CES1: variants seen among roughly 807,000 people sequenced by gnomAD.
CES1 encodes carboxylesterase 1.
CES1 carries 50 observed loss-of-function variants against 53.0 expected under a neutral mutation model. That is an observed-to-expected ratio of 0.94 (90% CI 0.75 to 1.19). The LOEUF (loss-of-function observed/expected upper bound fraction) is 1.19. Ranked by LOEUF, CES1 falls within the 50% of genes most tolerant of loss-of-function variation. The probability of loss-of-function intolerance (pLI) is 0.00; values close to 1 mark genes in which losing one functional copy is unlikely to be tolerated. For synonymous variants in CES1, 202 were observed against 210.1 expected (o/e 0.96, Z 0.33); for missense variants, 534 against 538.0 (o/e 0.99, Z 0.07).
intron 7 of CES1, among the ~76,000 whole-genome samples, chr16:55,818,939 T>C (rs1159375071): frequency 6.6e-6 from 1 of 152,178 alleles, no homozygotes; most frequent in Non-Finnish European, 1.5e-5. Context: ...GGATTGAAAA[T>C]AGATAAATAC....
chr16:55,831,914 C>G (rs531640100), intron 1 of CES1, among the ~76,000 whole-genome samples: 1 of 151,842 alleles, frequency 6.6e-6, no homozygotes, highest in Non-Finnish European at 1.5e-5. Flanking sequence ...CGAGGCCCCT[C>G]GCTGCACCCC....
chr16:55,832,114 A>G (rs556900624), intron 1 of CES1, among the ~76,000 whole-genome samples: 2 of 152,258 alleles, frequency 1.3e-5, no homozygotes, highest in Non-Finnish European at 2.9e-5. Context: ...GTACAAAACA[A>G]TTAGGAACAG....
intron 2 of CES1, among the ~76,000 whole-genome samples, chr16:55,827,136 C>A (rs1321184734): frequency 6.6e-6 from 1 of 152,030 alleles, no homozygotes; most frequent in African/African-American, 2.4e-5. Context: ...ATCACCGCCC[C>A]CACTAGGTAC....
chr16:55,817,284 C>T (rs538422827), intron 7 of CES1, among the ~76,000 whole-genome samples: 1 of 152,238 alleles, frequency 6.6e-6, no homozygotes, highest in East Asian at 1.9e-4. Context: ...AGAGTGAAGC[C>T]AACACAGAGA....
chr16:55,821,541 T>A lies in CES1; in HGVS notation c.540-20A>T. 2 of 1,613,938 alleles carry A rather than the reference T, an allele frequency of 1.2e-6. No individual in the cohort carries two copies. The highest frequency in any genetic ancestry group is 2.2e-5 in the South Asian group (2 of 91,076). ...CCTGTGCTGTGAGGAAGAGAACAGG[T>A]TGAGGGTGGGGAGCAGAGATGTCAT... On this transcript the variant is annotated intron_variant, in intron 4 of 13. Transcript: ENST00000360526.
At chr16:55,823,147 C>T (rs2032271132) in intron 4 of CES1, among the ~76,000 whole-genome samples, 2 of 151,796 alleles carry the variant, frequency 1.3e-5, no homozygotes, top group Admixed American at 6.6e-5. Context: ...TGTGACTCTG[C>T]CCCTTCCCTC....
rs151099173 is a variant in CES1, at chr16:55,830,947, G to C, written c.53-1973C>G. ...AATGGAAGGGAAAGAAGACCAAAGA[G>C]CTGGCTTGTAATGCTGGATCCCTGT... On this transcript the variant is annotated intron_variant, in intron 1 of 13. Transcript: ENST00000360526. Among the ~76,000 whole-genome samples the C allele has an allele frequency of 7.0e-4, 106 of 152,278 alleles. 1 individual carries two copies. Among genetic ancestry groups the C allele is most frequent in the African/African-American group, 2.2e-3 (90 of 41,542 alleles).
chr16:55,821,502 G>A lies in CES1; in HGVS notation c.559C>T (p.Arg187Trp), dbSNP rs200227274. The A allele has an allele frequency of 2.2e-5, 36 of 1,614,174 alleles. No individual in the cohort carries two copies. Among genetic ancestry groups the A allele is most frequent in the African/African-American group, 1.1e-4 (8 of 75,032 alleles). Reference protein sequence around the residue: ...GFFSTGDEHSRGNWGHLDQVA... With the variant: ...GFFSTGDEHSWGNWGHLDQVA... Reference sequence around the variant, plus strand: ...TGGTCCAGGTGACCCCAGTTCCCCCGGCTGTGTTCATCCCCTGTGCTGTGA... The same window carrying A: ...TGGTCCAGGTGACCCCAGTTCCCCCAGCTGTGTTCATCCCCTGTGCTGTGA... Residue 187 changes from arginine to tryptophan, a missense_variant, in exon 5 of 14, where the codon CGG becomes TGG. Arg to Trp is a moderately radical substitution (Grantham distance 101, BLOSUM62 -3). Around this residue, in one of 5 missense-constraint regions of CES1, gnomAD observed 85 missense variants for 81.9 expected, o/e 1.04. Transcript: ENST00000360526.
chr16:55,808,307 C>T (rs1179150380), intron 11 of CES1, among the ~76,000 whole-genome samples: 1 of 150,270 alleles, frequency 6.7e-6, no homozygotes, highest in African/African-American at 2.5e-5. Flanking sequence ...TTATACAATT[C>T]TTACAATCAC....
At position 55,829,059 on chromosome 16, in the gene CES1, G is replaced by A. The variant is rs1326935128; in HGVS notation, c.53-85C>T. On this transcript the variant is annotated intron_variant, in intron 1 of 13. Coordinates refer to ENST00000360526, the MANE Select transcript of CES1 (RefSeq NM_001025195.2). Reference sequence around the variant, plus strand: ...GTGGAGTTTGCCGCTTTCTAAGTGAGTGACCTTAAATAAGTCACCTAAACC... The same window carrying A: ...GTGGAGTTTGCCGCTTTCTAAGTGAATGACCTTAAATAAGTCACCTAAACC... 6.2e-5 allele frequency: 89 copies of A among 1,445,970 alleles called. No individual in the cohort carries two copies. The Admixed American group carries it at 1.7e-3, about 28-fold the overall frequency. 89.6% of individuals were successfully genotyped at this position (1,445,970 alleles called of 1,614,324 possible).
chr16:55,818,357 G>A (rs1172781307), intron 7 of CES1, among the ~76,000 whole-genome samples: 2 of 152,242 alleles, frequency 1.3e-5, no homozygotes, highest in African/African-American at 2.4e-5. Flanking sequence ...ACCCGCAGGT[G>A]TCGGTTCTGG....
intron 8 of CES1, among the ~76,000 whole-genome samples, chr16:55,815,292 T>C (rs1189105387): frequency 6.6e-6 from 1 of 152,152 alleles, no homozygotes; most frequent in African/African-American, 2.4e-5. Flanking sequence ...GGAAGGGGAT[T>C]TGTCTCATAA....
intron 4 of CES1, among the ~76,000 whole-genome samples, chr16:55,822,878 C>A (rs1487524418): frequency 2.4e-4 from 36 of 151,978 alleles, no homozygotes; most frequent in African/African-American, 8.7e-4. Context: ...GTGGCGTGTT[C>A]AGGAAGAAAC....
chr16:55,831,764 C>T (rs1370900986), intron 1 of CES1, among the ~76,000 whole-genome samples: 19 of 151,500 alleles, frequency 1.3e-4, no homozygotes, highest in African/African-American at 4.6e-4. Context: ...AGAAGGAAGA[C>T]AGGATGCAGA....
In CES1 at chr16:55,820,544, T is replaced by A; in HGVS notation, c.694-65A>T. The A allele has an allele frequency of 3.7e-6, 6 of 1,607,318 alleles. No homozygotes were observed. In the South Asian group the frequency reaches 5.5e-5, roughly 15 times the overall value. ...AGTGGGGTCAGTGACTCACTCGCTA[T>A]TCCAGGCTAGATCTACTCCACTATA... On this transcript the variant is annotated intron_variant, in intron 5 of 13. Coordinates refer to ENST00000360526, the MANE Select transcript of CES1 (RefSeq NM_001025195.2).
At chr16:55,811,672 G>T (rs1323360337) in intron 9 of CES1, among the ~76,000 whole-genome samples, 1 of 152,176 alleles carries the variant, frequency 6.6e-6, no homozygotes, top group Non-Finnish European at 1.5e-5. Context: ...CTCTGCTCCA[G>T]CCAAAACCTG....
At chr16:55,821,244 T>C (rs1262260237) in intron 5 of CES1, 124 bp downstream of exon 5, 1 of 1,308,050 alleles carries the variant, frequency 7.6e-7, no homozygotes. Context: ...GGGCTGTGAG[T>C]AGGGCCAGTC....
At chr16:55,812,853 AG>A in intron 9 of CES1, 49 bp downstream of exon 9, 3 of 1,612,250 alleles carry the variant, frequency 1.9e-6, no homozygotes, top group Non-Finnish European at 2.5e-6. Context: ...CAGAGACAGG[AG>A]GGCTGATGGG....
At chr16:55,830,349 G>T (rs1298846330) in intron 1 of CES1, among the ~76,000 whole-genome samples, 6 of 152,106 alleles carry the variant, frequency 3.9e-5, no homozygotes, top group African/African-American at 1.4e-4. Context: ...ATGGGTGGTG[G>T]CATTACATGT....
Sources: allele counts gnomAD v4.1 joint callset (sites outside exome capture counted in the v4.1 genomes callset), GRCh38; gene constraint gnomAD v4.1.1; regional missense constraint gnomAD v4.1.1; transcripts MANE v1.5; gene names NCBI Gene and HGNC (gene_info 2026-07-23, HGNC 2026-07-21).